The following AKAP8L variants were observed in gnomAD, a reference collection of about 807,000 sequenced individuals.
AKAP8L encodes the protein A-kinase anchor protein 8-like.
AKAP8L carries 34 observed loss-of-function variants against 77.5 expected under a neutral mutation model. The ratio of observed to expected loss-of-function variants is 0.44; its 90% CI spans 0.33 to 0.58. The LOEUF (loss-of-function observed/expected upper bound fraction) is 0.58. Ranked by LOEUF, AKAP8L falls within the 20% of genes least tolerant of loss-of-function variation. The pLI is 0.02. For synonymous variants in AKAP8L, 342 were observed against 340.7 expected (o/e 1.00, Z -0.04); for missense variants, 806 against 887.6 (o/e 0.91, Z 1.17).
At chr19:15,385,926 T>C (rs1452298561) in intron 12 of AKAP8L, among the ~76,000 whole-genome samples, 2 of 51,254 alleles carry the variant, frequency 3.9e-5, no homozygotes, top group East Asian at 9.6e-3. Flanking sequence ...TTCTTTTTTT[T>C]TTTTTGAGGA....
intron 12 of AKAP8L, chr19:15,381,171 A>G (rs537772552): frequency 6.5e-6 from 1 of 154,176 alleles, no homozygotes; most frequent in African/African-American, 2.4e-5. Context: ...CAATGTATGA[A>G]AAGTAAAAAT....
intron 12 of AKAP8L, among the ~76,000 whole-genome samples, chr19:15,384,321 C>A (rs1159758824): frequency 1.6e-5 from 2 of 125,294 alleles, no homozygotes; most frequent in African/African-American, 6.2e-5. Flanking sequence ...TTTTTTGAGA[C>A]GGAGTTTTGC....
At chr19:15,386,195 C>T (rs1967534074) in intron 12 of AKAP8L, among the ~76,000 whole-genome samples, 1 of 152,154 alleles carries the variant, frequency 6.6e-6, no homozygotes, top group Admixed American at 6.6e-5. Flanking sequence ...CAGGCATGAG[C>T]CACCGCGCCC....
chr19:15,405,778 C>CAGCCAGACCAT (rs1179308504), intron 2 of AKAP8L, among the ~76,000 whole-genome samples: 1 of 151,900 alleles, frequency 6.6e-6, no homozygotes, highest in Admixed American at 6.6e-5. Context: ...AAAAATTAGC[C>CAGCCAGACCAT]AGGTGTGGTG....
At chr19:15,394,513 G>A (rs1051438274) in intron 12 of AKAP8L, among the ~76,000 whole-genome samples, 21 of 151,986 alleles carry the variant, frequency 1.4e-4, no homozygotes, top group Non-Finnish European at 1.5e-5. Context: ...CTGTGAATAC[G>A]TGAAAAACCA....
chr19:15,410,920 C>T (rs1968095348), intron 1 of AKAP8L, among the ~76,000 whole-genome samples: 1 of 152,208 alleles, frequency 6.6e-6, no homozygotes, highest in African/African-American at 2.4e-5. Flanking sequence ...TCAAACAATC[C>T]TCCTGCCTCA....
At chr19:15,382,350 C>T (rs1212793096) in intron 12 of AKAP8L, among the ~76,000 whole-genome samples, 1 of 152,036 alleles carries the variant, frequency 6.6e-6, no homozygotes, top group Non-Finnish European at 1.5e-5. Flanking sequence ...TACGGGCACG[C>T]ACCACCACAC....
intron 1 of AKAP8L, among the ~76,000 whole-genome samples, chr19:15,417,339 C>T (rs1303433516): frequency 1.3e-5 from 2 of 152,222 alleles, no homozygotes; most frequent in African/African-American, 4.8e-5. Flanking sequence ...ATAGTCTTTC[C>T]TCCTGAACTA....
At chr19:15,407,133 G>C (rs1346281913) in intron 2 of AKAP8L, among the ~76,000 whole-genome samples, 1 of 152,142 alleles carries the variant, frequency 6.6e-6, no homozygotes, top group African/African-American at 2.4e-5. Context: ...GGGCATGCCT[G>C]TAGTCCCAAT....
intron 12 of AKAP8L, among the ~76,000 whole-genome samples, chr19:15,394,484 G>A: frequency 6.6e-6 from 1 of 152,118 alleles, no homozygotes; most frequent in East Asian, 1.9e-4. Context: ...GTAATCGACT[G>A]GTTGATGACT....
intron 12 of AKAP8L, among the ~76,000 whole-genome samples, chr19:15,385,267 G>A (rs1405562144): frequency 2.0e-5 from 3 of 151,098 alleles, no homozygotes; most frequent in South Asian, 2.1e-4. Context: ...GTGAGCCACC[G>A]CGCCCGGCCT....
rs1349973192 is a variant in AKAP8L, at chr19:15,398,859, C to T, written c.1157+443G>A. 2 of 981,114 alleles carry T rather than the reference C, an allele frequency of 2.0e-6. No individual in the cohort carries two copies. Among genetic ancestry groups the T allele is most frequent in the Admixed American group, 5.2e-5 (1 of 19,392 alleles). 60.8% of individuals were successfully genotyped at this position (981,114 alleles called of 1,614,324 possible). A position where few individuals can be genotyped will look rare whatever the true frequency, so the allele number is the denominator to read the frequency against. ...GCCGGCGGGCAGGGCAGAAGGCAGGCCCGAGGCTGCCACAGCCCACAGGTG... is the reference window on the plus strand; with the variant it reads ...GCCGGCGGGCAGGGCAGAAGGCAGGTCCGAGGCTGCCACAGCCCACAGGTG... On this transcript the variant is annotated intron_variant, in intron 9 of 13. Coordinates refer to ENST00000397410, the MANE Select transcript of AKAP8L (RefSeq NM_014371.4). This position sits in a 1 kb window ranked among gnomAD's most constrained non-coding sequence, Gnocchi z 9.2.
chr19:15,398,137 G>C lies in AKAP8L; in HGVS notation c.1158-282C>G, dbSNP rs1276303362. 4.3e-6 allele frequency: 2 copies of C among 464,790 alleles called. No individual in the cohort carries two copies. The highest frequency in any genetic ancestry group is 7.9e-6 in the Non-Finnish European group (2 of 253,674). 28.8% of individuals were successfully genotyped at this position (464,790 alleles called of 1,614,324 possible). A position where few individuals can be genotyped will look rare whatever the true frequency, so the allele number is the denominator to read the frequency against. ...GACAGCAGCTGCTGCAACAGGCAAC[G>C]AGTCGCTGGAAAGTTGCTGGAGGGC... On this transcript the variant is annotated intron_variant, in intron 9 of 13. Transcript: ENST00000397410. The surrounding 1 kb of genome is among the most constrained non-coding windows in gnomAD (Gnocchi z 9.2).
At chr19:15,404,271 C>T (rs1967956744) in intron 2 of AKAP8L, 2 of 550,344 alleles carry the variant, frequency 3.6e-6, no homozygotes, top group Non-Finnish European at 6.4e-6. Flanking sequence ...CCTTCTGTTC[C>T]CAACACTCTC....
Position 15,403,684 on chromosome 19 carries a change from A to G in AKAP8L, c.153T>C (p.Tyr51=), listed in dbSNP as rs769842950. 1.3e-6 allele frequency: 2 copies of G among 1,589,994 alleles called. No homozygotes were observed. The highest frequency in any genetic ancestry group is 1.7e-6 in the Non-Finnish European group (2 of 1,168,102). ...CATAGTTGGTGGTGTTATCCTGGCC[A>G]TAGCCATAGCCATAGCCATAGCCCT... ...GYEGYGYGYG[Y]GQDNTTNYGY... Residue 51 remains tyrosine (Y), a synonymous_variant, in exon 4 of 14, where the codon TAT becomes TAC. Coordinates refer to ENST00000397410, the MANE Select transcript of AKAP8L (RefSeq NM_014371.4). The surrounding 1 kb of genome is among the most constrained non-coding windows in gnomAD (Gnocchi z 4.3).
chr19:15,398,708 G>A lies in AKAP8L; in HGVS notation c.1157+594C>T, dbSNP rs1406929652. The A allele has an allele frequency of 1.0e-6, 1 of 988,370 alleles. No individual in the cohort carries two copies. The highest frequency in any genetic ancestry group is 1.2e-6 in the Non-Finnish European group (1 of 831,936). The allele number at this position is 988,370 out of a possible 1,614,324, so 61.2% of individuals were successfully genotyped here. On this transcript the variant is annotated intron_variant, in intron 9 of 13. Transcript: ENST00000397410. This position sits in a 1 kb window ranked among gnomAD's most constrained non-coding sequence, Gnocchi z 9.2. ...AGGGGCCGGGCGCCGGCGAGGCTGA[G>A]GAAGGTCCAGCAAGAGCAAGAGTCT...
At chr19:15,390,114 T>C (rs985406061) in intron 12 of AKAP8L, among the ~76,000 whole-genome samples, 10 of 150,880 alleles carry the variant, frequency 6.6e-5, no homozygotes. Context: ...TTAATAATAA[T>C]AAAAAAAAAC....
chr19:15,398,657 C>T lies in AKAP8L; in HGVS notation c.1157+645G>A, dbSNP rs1276118325. On this transcript the variant is annotated intron_variant, in intron 9 of 13. Transcript: ENST00000397410. This position sits in a 1 kb window ranked among gnomAD's most constrained non-coding sequence, Gnocchi z 9.2. ...CTGCCGGACGTCCTTATCTGGGCCA[C>T]GGGGTCAGCTTTGTCTGGAGAGCCC... 1.4e-5 allele frequency: 14 copies of T among 986,948 alleles called. No homozygotes were observed. The highest frequency in any genetic ancestry group is 1.6e-5 in the Non-Finnish European group (13 of 830,870). 61.1% of individuals were successfully genotyped at this position (986,948 alleles called of 1,614,324 possible).
At position 15,403,719 on chromosome 19, in the gene AKAP8L, C is replaced by CA; in HGVS notation, c.122-5dup. ...CCATAGCCATAGCCCTCGTAGCCTG[C>CA]AGTGAGGGAGACAGAGACAGACAGA... is the stretch of plus-strand genomic sequence containing the variant. On this transcript the variant is annotated splice_region_variant and splice_polypyrimidine_tract_variant and intron_variant, in intron 3 of 13. Transcript: ENST00000397410. The surrounding 1 kb of genome is among the most constrained non-coding windows in gnomAD (Gnocchi z 4.3). 1 of 1,567,010 alleles carries CA rather than the reference C, an allele frequency of 6.4e-7. No homozygotes were observed. Among genetic ancestry groups the CA allele is most frequent in the South Asian group, 1.2e-5 (1 of 86,236 alleles).
Sources: gnomAD v4.1 joint callset for allele counts (sites outside exome capture counted in the v4.1 genomes callset) on GRCh38, gnomAD v4.1.1 for gene constraint, Gnocchi (gnomAD v3.1) non-coding constraint, MANE v1.5 for transcripts, NCBI Gene and HGNC (gene_info 2026-07-23, HGNC 2026-07-21) for gene names.